The following ANKS3 variants were observed in gnomAD, a reference collection of about 807,000 sequenced individuals.
ANKS3 encodes ankyrin repeat and SAM domain-containing protein 3.
ANKS3 carries 62 observed loss-of-function variants against 80.7 expected under a neutral mutation model. The ratio of observed to expected loss-of-function variants is 0.77; its 90% CI spans 0.63 to 0.95. ANKS3 has a LOEUF of 0.95. ANKS3 is among the 40% of genes least tolerant of loss of function. ANKS3 has a pLI of 0.00. For missense variants in ANKS3, 1,150 were observed against 883.6 expected (o/e 1.30, Z -3.82); for synonymous variants, 489 against 355.3 (o/e 1.38, Z -4.23).
At chr16:4,727,239 C>G in intron 3 of ANKS3, 62 bp from the exon 4 acceptor site, 7 of 1,569,066 alleles carry the variant, frequency 4.5e-6, no homozygotes, top group African/African-American at 1.3e-5. Context: ...TTCACCAAAG[C>G]TGGTGGCGAG....
At chr16:4,728,004 C>A (rs2081440605) in intron 3 of ANKS3, 1 of 152,234 alleles carries the variant, frequency 6.6e-6, no homozygotes, top group South Asian at 2.1e-4. Context: ...GGGATAACAA[C>A]TGGTGACTGA....
Position 4,698,609 on chromosome 16 carries a change from G to A in ANKS3, c.1552-10C>T. 1.3e-6 allele frequency: 2 copies of A among 1,547,208 alleles called. No individual in the cohort carries two copies. The highest frequency in any genetic ancestry group is 1.4e-5 in the African/African-American group (1 of 73,758). On this transcript the variant is annotated splice_polypyrimidine_tract_variant and intron_variant, in intron 13 of 17. Coordinates refer to ENST00000304283, the MANE Select transcript of ANKS3 (RefSeq NM_133450.4). ...CTACCTCCTCGCAGCGCTGCAGGGGGGTGGGGGGCGCGGGGAGGCTGGGAG... is the reference window on the plus strand; with the variant it reads ...CTACCTCCTCGCAGCGCTGCAGGGGAGTGGGGGGCGCGGGGAGGCTGGGAG...
chr16:4,720,377 G>A (rs548514737), intron 6 of ANKS3, among the ~76,000 whole-genome samples: 70 of 150,504 alleles, frequency 4.7e-4, no homozygotes, highest in African/African-American at 1.7e-3. Context: ...CAGGAAAATC[G>A]CTTGAACCTG....
chr16:4,710,374 C>A (rs551872632), intron 7 of ANKS3, among the ~76,000 whole-genome samples: 1 of 152,308 alleles, frequency 6.6e-6, no homozygotes, highest in South Asian at 2.1e-4. Flanking sequence ...CACTGTACCC[C>A]ATAAATATGT....
intron 11 of ANKS3, chr16:4,700,692 G>C (rs1430917995): frequency 1.8e-6 from 1 of 551,468 alleles, no homozygotes; most frequent in Admixed American, 2.7e-5. Flanking sequence ...CTGAGGTCAA[G>C]TGTGCTTTTC....
chr16:4,701,038 T>G lies in ANKS3; in HGVS notation c.1216A>C (p.Thr406Pro). Residue 406 changes from threonine (T) to proline (P), a missense_variant, in exon 11 of 18, where the codon ACT (threonine) becomes CCT (proline). Transcript: ENST00000304283. ...TCAGCGAGAAAGCCTTCCCTGTCAG[T>G]TGCAGCGCGGGGAGGCCACTGGCTG... Reference protein sequence around the residue: ...PDSQWPPRAATDREGFLAESS... With the variant: ...PDSQWPPRAAPDREGFLAESS... 1.2e-6 allele frequency: 2 copies of G among 1,614,130 alleles called. No individual in the cohort carries two copies. The highest frequency in any genetic ancestry group is 1.7e-6 in the Non-Finnish European group (2 of 1,180,032).
intron 9 of ANKS3, chr16:4,701,900 G>T: frequency 1.6e-6 from 1 of 616,846 alleles, no homozygotes; most frequent in Non-Finnish European, 2.6e-6. Flanking sequence ...CTGTGGAACG[G>T]CTCCCTTAAG....
chr16:4,706,456 C>T lies in ANKS3; in HGVS notation c.710-1203G>A, dbSNP rs182395238. On this transcript the variant is annotated intron_variant, in intron 7 of 17. Coordinates refer to ENST00000304283, the MANE Select transcript of ANKS3 (RefSeq NM_133450.4). ...TTCACCATGTTGGCCAGGCTGGTCT[C>T]GATCTCCTGACCTTGTGATCCGCCC... 9.8e-3 allele frequency among the ~76,000 whole-genome samples: 1,495 copies of T among 152,170 alleles called. 31 individuals are homozygous for T. The highest frequency in any genetic ancestry group is 0.034 in the African/African-American group (1,412 of 41,510).
chr16:4,716,909 C>T (rs934680383), intron 6 of ANKS3, among the ~76,000 whole-genome samples: 3 of 149,412 alleles, frequency 2.0e-5, no homozygotes, highest in African/African-American at 7.4e-5. Flanking sequence ...ACTGAGATTC[C>T]ATCTCAAAAA....
At chr16:4,714,322 T>C (rs963578611) in intron 6 of ANKS3, 136 bp from the exon 7 acceptor site, 1 of 1,301,430 alleles carries the variant, frequency 7.7e-7, no homozygotes, top group Non-Finnish European at 1.1e-6. Context: ...CACATCTGCA[T>C]GAGAAAGAGG....
chr16:4,728,200 T>A (rs1040499309), intron 3 of ANKS3: 2 of 152,244 alleles, frequency 1.3e-5, no homozygotes, highest in African/African-American at 2.4e-5. Flanking sequence ...CGCCCGCCAC[T>A]ACGCCCAGCT....
chr16:4,718,457 A>G (rs1384488211), intron 6 of ANKS3, among the ~76,000 whole-genome samples: 2 of 152,210 alleles, frequency 1.3e-5, no homozygotes, highest in East Asian at 3.8e-4. Flanking sequence ...GCTTGGCCCC[A>G]CTGGCAGAAG....
At chr16:4,708,071 C>T (rs1031882640) in intron 7 of ANKS3, among the ~76,000 whole-genome samples, 6 of 151,988 alleles carry the variant, frequency 3.9e-5, no homozygotes, top group Non-Finnish European at 8.8e-5. Flanking sequence ...GTCAAGATCG[C>T]ACTTGGGCAC....
rs569673394 is a variant in ANKS3 at position 4,706,105 on chromosome 16, GC to G, written c.710-853del. Among the ~76,000 whole-genome samples the G allele has an allele frequency of 2.2e-4, 34 of 151,976 alleles. No homozygotes were observed. The South Asian group carries it at 5.2e-3, about 23-fold the overall frequency. On this transcript the variant is annotated intron_variant, in intron 7 of 17. Transcript: ENST00000304283. ...TAGAGATGGGGTTTCATCATATTAG[GC>G]TGGTCTTGAACTCCTGACCTCAGGT...
intron 8 of ANKS3, among the ~76,000 whole-genome samples, chr16:4,703,588 T>G (rs2080032806): frequency 6.6e-6 from 1 of 152,016 alleles, no homozygotes; most frequent in Admixed American, 6.6e-5. Flanking sequence ...GCCCAGCTAA[T>G]TTTTGCATTT....
chr16:4,726,785 A>G lies in ANKS3; in HGVS notation c.370-5T>C, dbSNP rs763713292. On this transcript the variant is annotated splice_polypyrimidine_tract_variant and splice_region_variant and intron_variant, in intron 4 of 17. Coordinates refer to ENST00000304283, the MANE Select transcript of ANKS3 (RefSeq NM_133450.4). Reference sequence around the variant, plus strand: ...CATTTCTAGCTCTGCACCTTGCTTCAAGAGAACACAGAACGTGCGTTACGG... The same window carrying G: ...CATTTCTAGCTCTGCACCTTGCTTCGAGAGAACACAGAACGTGCGTTACGG... 4.3e-6 allele frequency: 7 copies of G among 1,611,866 alleles called. No homozygotes were observed. The highest frequency in any genetic ancestry group is 1.7e-5 in the Admixed American group (1 of 59,994).
At position 4,724,848 on chromosome 16, in the gene ANKS3, ACAGT is replaced by A. The variant is rs748208720; in HGVS notation, c.492-21_492-18del. ...ATCGGCTCCCTGCAAGATGTGGGCC[ACAGT>A]CAGATGATTGGAAGAGACAAGTTCC... On this transcript the variant is annotated intron_variant, in intron 5 of 17. Coordinates refer to ENST00000304283, the MANE Select transcript of ANKS3 (RefSeq NM_133450.4). The A allele has an allele frequency of 8.7e-6, 14 of 1,612,932 alleles. No individual in the cohort carries two copies. The South Asian group carries it at 1.5e-4, about 18-fold the overall frequency.
At position 4,698,584 on chromosome 16, in the gene ANKS3, C is replaced by G; in HGVS notation, c.1567G>C (p.Glu523Gln). 1 of 1,570,876 alleles carries G rather than the reference C, an allele frequency of 6.4e-7. No individual in the cohort carries two copies. The highest frequency in any genetic ancestry group is 8.6e-7 in the Non-Finnish European group (1 of 1,165,976). ...IQLHKRCEEV[E>Q]ATRGQVCQEQ... ...TGACACACCTGGCCCCGCGTGGCCT[C>G]TACCTCCTCGCAGCGCTGCAGGGGG... The change falls in exon 14 of 18, where the codon GAG becomes CAG. Residue 523 changes from glutamate (E) to glutamine (Q), a missense_variant. Transcript: ENST00000304283.
chr16:4,708,503 A>T (rs569161171), intron 7 of ANKS3, among the ~76,000 whole-genome samples: 1 of 152,232 alleles, frequency 6.6e-6, no homozygotes, highest in African/African-American at 2.4e-5. Context: ...TCAAAAAACT[A>T]GAACAACAAA....
Sources: allele counts gnomAD v4.1 joint callset (sites outside exome capture counted in the v4.1 genomes callset), GRCh38; gene constraint gnomAD v4.1.1; transcripts MANE v1.5; gene names NCBI Gene and HGNC (gene_info 2026-07-23, HGNC 2026-07-21).